The following SLCO5A1 variants were observed in gnomAD, a reference collection of about 807,000 sequenced individuals.
SLCO5A1 encodes the protein organic anion transporter polypeptide-related protein 4.
In SLCO5A1, 39 loss-of-function variants were observed where a neutral mutation model predicts 65.1. The ratio of observed to expected loss-of-function variants is 0.60; its 90% CI spans 0.46 to 0.78. The LOEUF (loss-of-function observed/expected upper bound fraction) is 0.78, where lower values mean the gene tolerates loss of function less well. SLCO5A1 is among the 30% of genes least tolerant of loss of function. The pLI, the probability that SLCO5A1 is intolerant of heterozygous loss-of-function variation, is 0.00. For missense variants in SLCO5A1, 1,029 were observed against 1,069.4 expected (o/e 0.96, Z 0.53); for synonymous variants, 438 against 415.7 (o/e 1.05, Z -0.65).
At chr8:69,694,599 C>A (rs1814418823) in intron 6 of SLCO5A1, among the ~76,000 whole-genome samples, 1 of 152,226 alleles carries the variant, frequency 6.6e-6, no homozygotes, top group African/African-American at 2.4e-5. Context: ...GTAGCTCACA[C>A]CCTGCTTGGA....
rs551956659 is a variant in SLCO5A1 at position 69,731,521 on chromosome 8, C to T, written c.1423+6519G>A. On this transcript the variant is annotated intron_variant, in intron 5 of 9. Coordinates refer to ENST00000260126, the MANE Select transcript of SLCO5A1 (RefSeq NM_030958.3). ...ATTAGAGCACTGGCTAAGAACCTGC[C>T]ACATGGTAGACACCCAAACATTCCT... Among the ~76,000 whole-genome samples, 8 of 152,288 alleles carry T rather than the reference C, an allele frequency of 5.3e-5. No individual in the cohort carries two copies. In the South Asian group the frequency reaches 1.7e-3, roughly 32 times the overall value.
chr8:69,834,181 G>C (rs1167343324), intron 1 of SLCO5A1: 2 of 154,116 alleles, frequency 1.3e-5, no homozygotes, highest in African/African-American at 4.8e-5. Flanking sequence ...AATTCAGCAA[G>C]AATCGAAAAC....
chr8:69,769,806 GTTGAA>G (rs1818236419), intron 2 of SLCO5A1, among the ~76,000 whole-genome samples: 1 of 152,106 alleles, frequency 6.6e-6, no homozygotes, highest in South Asian at 2.1e-4. Context: ...TCTTTCTGGA[GTTGAA>G]CACGTGTGTG....
intron 2 of SLCO5A1, among the ~76,000 whole-genome samples, chr8:69,801,038 A>G (rs1212596329): frequency 6.6e-6 from 1 of 152,164 alleles, no homozygotes; most frequent in Non-Finnish European, 1.5e-5. Flanking sequence ...ACAATCCCAA[A>G]CTTTGCTGCT....
At chr8:69,774,140 G>C (rs1818462131) in intron 2 of SLCO5A1, among the ~76,000 whole-genome samples, 1 of 152,326 alleles carries the variant, frequency 6.6e-6, no homozygotes, top group Non-Finnish European at 1.5e-5. Context: ...TTATTGAATG[G>C]AGAAGGGATG....
chr8:69,697,615 A>G (rs556789469), intron 6 of SLCO5A1, among the ~76,000 whole-genome samples: 2 of 152,304 alleles, frequency 1.3e-5, no homozygotes, highest in South Asian at 4.1e-4. Flanking sequence ...AGAAGGTGGC[A>G]TTAGGATTAT....
chr8:69,676,696 A>C (rs368371501), intron 8 of SLCO5A1, 23 bp from the exon 9 acceptor site: 3 of 1,601,466 alleles, frequency 1.9e-6, no homozygotes, highest in Non-Finnish European at 1.7e-6. Context: ...GAAAGAAGGA[A>C]ATGCATTTTA....
chr8:69,796,047 CA>C (rs1819480691), intron 2 of SLCO5A1, among the ~76,000 whole-genome samples: 1 of 152,198 alleles, frequency 6.6e-6, no homozygotes, highest in Non-Finnish European at 1.5e-5. Context: ...TTGCACAGGG[CA>C]GGGGGGGCCC....
At chr8:69,692,952 C>T (rs1479489167) in intron 6 of SLCO5A1, among the ~76,000 whole-genome samples, 1 of 152,150 alleles carries the variant, frequency 6.6e-6, no homozygotes, top group Non-Finnish European at 1.5e-5. Context: ...TGCTTATTAT[C>T]AAGTTCTATG....
chr8:69,716,585 C>G (rs1176519028), intron 5 of SLCO5A1, among the ~76,000 whole-genome samples: 1 of 152,204 alleles, frequency 6.6e-6, no homozygotes, highest in Non-Finnish European at 1.5e-5. Flanking sequence ...GGTTGAGCAT[C>G]TTTCCATGTG....
intron 2 of SLCO5A1, among the ~76,000 whole-genome samples, chr8:69,823,805 C>T (rs1232703752): frequency 6.6e-6 from 1 of 152,170 alleles, no homozygotes; most frequent in Non-Finnish European, 1.5e-5. Flanking sequence ...CTCTCCACCC[C>T]AAATCAACAG....
intron 2 of SLCO5A1, among the ~76,000 whole-genome samples, chr8:69,812,693 C>T (rs547979015): frequency 5.9e-5 from 9 of 152,304 alleles, no homozygotes; most frequent in African/African-American, 1.9e-4. Context: ...CACTACCCAT[C>T]GCTCTTCATG....
chr8:69,789,907 A>G (rs935500912), intron 2 of SLCO5A1, among the ~76,000 whole-genome samples: 5 of 152,132 alleles, frequency 3.3e-5, no homozygotes, highest in African/African-American at 1.2e-4. Flanking sequence ...AAAGAGGGTA[A>G]TTGGGCCGGG....
intron 2 of SLCO5A1, among the ~76,000 whole-genome samples, chr8:69,820,638 C>T (rs1346192583): frequency 6.6e-6 from 1 of 151,586 alleles, no homozygotes. Context: ...TCTAGACCAG[C>T]CTGGGCAACA....
chr8:69,740,297 A>G (rs1274826605), intron 4 of SLCO5A1, among the ~76,000 whole-genome samples: 1 of 152,174 alleles, frequency 6.6e-6, no homozygotes, highest in Non-Finnish European at 1.5e-5. Context: ...GGTTGGTGGG[A>G]CTGGGTGATT....
At position 69,827,292 on chromosome 8, in the gene SLCO5A1, TATA is replaced by T. The variant is rs1415072818; in HGVS notation, c.907+4472_907+4474del. Among the ~76,000 whole-genome samples, 18 of 152,200 alleles carry T rather than the reference TATA, an allele frequency of 1.2e-4. No individual in the cohort carries two copies. The East Asian group carries it at 2.5e-3, about 21-fold the overall frequency. On this transcript the variant is annotated intron_variant, in intron 2 of 9. Coordinates refer to ENST00000260126, the MANE Select transcript of SLCO5A1 (RefSeq NM_030958.3). The stretch of plus-strand genomic sequence containing the variant: ...TGCACATGTACCCTAAAACTTAAAG[TATA>T]ATAATATTTAAAAAAAGAGAAAAAA...
At chr8:69,701,185 G>T (rs1814720570) in intron 6 of SLCO5A1, among the ~76,000 whole-genome samples, 1 of 152,140 alleles carries the variant, frequency 6.6e-6, no homozygotes, top group Non-Finnish European at 1.5e-5. Flanking sequence ...TGGGAAACTG[G>T]ATGCAGATTC....
intron 2 of SLCO5A1, among the ~76,000 whole-genome samples, chr8:69,779,775 CA>C (rs1249383249): frequency 6.6e-6 from 1 of 152,020 alleles, no homozygotes; most frequent in Non-Finnish European, 1.5e-5. Flanking sequence ...TTCTCCAAAA[CA>C]CAAAAAGGTA....
intron 6 of SLCO5A1, among the ~76,000 whole-genome samples, chr8:69,703,357 T>G (rs1814833844): frequency 6.6e-6 from 1 of 152,066 alleles, no homozygotes. Context: ...ATAAATGCCT[T>G]GAAGTTATTT....
Sources: allele counts gnomAD v4.1 joint callset (sites outside exome capture counted in the v4.1 genomes callset), GRCh38; gene constraint gnomAD v4.1.1; transcripts MANE v1.5; gene names NCBI Gene and HGNC (gene_info 2026-07-23, HGNC 2026-07-21).